Variants in RNLS observed in about 807,000 individuals in gnomAD.
RNLS encodes renalase.
In RNLS, 39 loss-of-function variants were observed where a neutral mutation model predicts 39.8. That is an observed-to-expected ratio of 0.98 (90% CI 0.76 to 1.28). The LOEUF (loss-of-function observed/expected upper bound fraction) is 1.28, where lower values mean the gene tolerates loss of function less well. RNLS is among the 50% of genes most tolerant of loss of function. The pLI is 0.00. For missense variants in RNLS, 410 were observed against 413.3 expected, an observed-to-expected ratio of 0.99 and a Z score of 0.07; for synonymous variants, 147 against 150.7, an observed-to-expected ratio of 0.98 and a Z score of 0.18.
intron 4 of RNLS, among the ~76,000 whole-genome samples, chr10:88,558,786 A>C (rs1343843353): frequency 8.5e-5 from 13 of 152,216 alleles, no homozygotes; most frequent in Admixed American, 8.5e-4. Context: ...TAAAAATACA[A>C]GAACATGATA....
chr10:88,300,391 A>G (rs1844427859), intron 6 of RNLS, among the ~76,000 whole-genome samples: 1 of 152,226 alleles, frequency 6.6e-6, no homozygotes, highest in South Asian at 2.1e-4. Flanking sequence ...ACCAAGTTCA[A>G]TTTCAGCCAA....
chr10:88,415,171 G>T (rs1053457317), intron 4 of RNLS, among the ~76,000 whole-genome samples: 2 of 152,164 alleles, frequency 1.3e-5, no homozygotes, highest in Non-Finnish European at 1.5e-5. Flanking sequence ...GAGCATATGG[G>T]CAAATGAACC....
chr10:88,582,107 A>T lies in RNLS; in HGVS notation c.224+95T>A, dbSNP rs528287270. 5.6e-5 allele frequency: 53 copies of T among 948,988 alleles called. No individual in the cohort carries two copies. The South Asian group carries it at 9.4e-4, about 17-fold the overall frequency. The allele number at this position is 948,988 out of a possible 1,614,324, so 58.8% of individuals were successfully genotyped here. ...AGCAATTGATATTTATCGAGCCCTT[A>T]CTATGTTCCATTTATCAGCTAATCT... On this transcript the variant is annotated intron_variant, in intron 2 of 6. Transcript: ENST00000331772.
intron 4 of RNLS, among the ~76,000 whole-genome samples, chr10:88,414,815 G>T: frequency 6.6e-6 from 1 of 152,144 alleles, no homozygotes; most frequent in Non-Finnish European, 1.5e-5. Context: ...TTGTTCACCA[G>T]ATTGATTCTG....
At chr10:88,306,230 A>G (rs1005869895) in intron 6 of RNLS, among the ~76,000 whole-genome samples, 2 of 152,200 alleles carry the variant, frequency 1.3e-5, no homozygotes, top group Non-Finnish European at 2.9e-5. Context: ...AAAGTTGGAA[A>G]GATCTCAAGC....
At chr10:88,458,734 G>T (rs1842772077) in intron 4 of RNLS, among the ~76,000 whole-genome samples, 1 of 152,094 alleles carries the variant, frequency 6.6e-6, no homozygotes, top group African/African-American at 2.4e-5. Context: ...TTTGTGTATG[G>T]ATTATGTCAG....
intron 5 of RNLS, among the ~76,000 whole-genome samples, chr10:88,325,317 G>A (rs1287252494): frequency 6.7e-6 from 1 of 148,500 alleles, no homozygotes; most frequent in East Asian, 2.2e-4. Flanking sequence ...TGTTTGTTCT[G>A]TTTTTGTTTT....
downstream of RNLS, among the ~76,000 whole-genome samples, chr10:88,282,478 T>TACACACACACACACAC (rs60829171): frequency 7.0e-6 from 1 of 142,932 alleles, no homozygotes; most frequent in East Asian, 2.1e-4. Flanking sequence ...AAAGTGAAAA[T>TACACACACACACACAC]ACACACACAC....
chr10:88,464,259 A>G (rs948883046), intron 4 of RNLS, among the ~76,000 whole-genome samples: 9 of 152,152 alleles, frequency 5.9e-5, no homozygotes, highest in Admixed American at 5.9e-4. Flanking sequence ...TCAGCAAGGG[A>G]AAGAAGTGAT....
downstream of RNLS, among the ~76,000 whole-genome samples, chr10:88,269,273 G>A (rs561911388): frequency 7.2e-5 from 11 of 152,308 alleles, no homozygotes; most frequent in East Asian, 2.1e-3. Context: ...GAGTGGATAT[G>A]AACTGATACT....
At chr10:88,367,873 T>A (rs112551284) in intron 4 of RNLS, among the ~76,000 whole-genome samples, 2 of 152,166 alleles carry the variant, frequency 1.3e-5, no homozygotes, top group South Asian at 4.1e-4. Context: ...TATTGTGATA[T>A]AGGAGTTCTT....
intron 6 of RNLS, among the ~76,000 whole-genome samples, chr10:88,279,019 A>G (rs1306990038): frequency 6.6e-6 from 1 of 152,222 alleles, no homozygotes; most frequent in Non-Finnish European, 1.5e-5. Context: ...CAGAAAGCAG[A>G]TATTGAACAA....
intron 4 of RNLS, among the ~76,000 whole-genome samples, chr10:88,381,536 TA>T (rs1206287098): frequency 6.6e-6 from 1 of 151,916 alleles, no homozygotes; most frequent in Admixed American, 6.6e-5. Flanking sequence ...ATTCAGCTTT[TA>T]AAAAATTCTT....
intron 5 of RNLS, among the ~76,000 whole-genome samples, chr10:88,330,853 C>T (rs1847063889): frequency 6.6e-6 from 1 of 151,878 alleles, no homozygotes; most frequent in East Asian, 1.9e-4. Flanking sequence ...CTTGCTTTGT[C>T]ATATATTTAA....
intron 4 of RNLS, among the ~76,000 whole-genome samples, chr10:88,411,424 T>C (rs891455996): frequency 5.9e-5 from 9 of 152,136 alleles, no homozygotes; most frequent in Admixed American, 5.9e-4. Context: ...AGAGTCTAAT[T>C]CTGTTTCATA....
intron 5 of RNLS, among the ~76,000 whole-genome samples, chr10:88,324,897 G>C (rs12358179): frequency 0.011 from 1,690 of 152,192 alleles, 16 homozygotes; most frequent in Middle Eastern, 0.02. Context: ...GAGTCATACA[G>C]TATTTGTCCT....
intron 6 of RNLS, among the ~76,000 whole-genome samples, chr10:88,293,561 T>C (rs1308412116): frequency 1.3e-5 from 2 of 152,206 alleles, no homozygotes; most frequent in Admixed American, 1.3e-4. Flanking sequence ...GTTGTAACTT[T>C]ATTTTTGGGT....
Position 88,366,344 on chromosome 10 carries a change from G to T in RNLS, c.527-3619C>A, listed in dbSNP as rs1564735506. Among the ~76,000 whole-genome samples, 6 of 152,022 alleles carry T rather than the reference G, an allele frequency of 3.9e-5. 1 individual carries two copies. The South Asian group carries it at 1.2e-3, about 31-fold the overall frequency. ...TCTGGCTACTGGTGAAGATACAGGG[G>T]TGCAAGAGTGGAACTGGGGCAAGCA... On this transcript the variant is annotated intron_variant, in intron 4 of 6. Coordinates refer to ENST00000331772, the MANE Select transcript of RNLS (RefSeq NM_001031709.3).
chr10:88,235,435 A>G, the RNLS span, among the ~76,000 whole-genome samples: 3 of 152,176 alleles, frequency 2.0e-5, no homozygotes, highest in Non-Finnish European at 4.4e-5. Flanking sequence ...AACGACTCAC[A>G]TGGACAGCTG....
Sources: allele counts gnomAD v4.1 joint callset (sites outside exome capture counted in the v4.1 genomes callset), GRCh38; gene constraint gnomAD v4.1.1; transcripts MANE v1.5; gene names NCBI Gene and HGNC (gene_info 2026-07-23, HGNC 2026-07-21).